The following CERK variants were observed in gnomAD, a reference collection of about 807,000 sequenced individuals.
CERK encodes the protein acylsphingosine kinase.
CERK carries 39 observed loss-of-function variants against 63.4 expected under a neutral mutation model. The observed-to-expected ratio is 0.61, with a 90% CI of 0.48 to 0.80. The LOEUF is 0.80. Among genes scored for constraint, CERK ranks in the 30% least tolerant of loss-of-function variants. CERK has a pLI of 0.00. For synonymous variants in CERK, 302 were observed against 280.0 expected (o/e 1.08, Z -0.78); for missense variants, 670 against 714.1 (o/e 0.94, Z 0.70).
rs564377566 is a variant in CERK at position 46,714,746 on chromosome 22, G to A, written c.380-2453C>T. 1.3e-5 allele frequency among the ~76,000 whole-genome samples: 2 copies of A among 152,034 alleles called. No homozygotes were observed. The highest frequency in any genetic ancestry group is 2.9e-5 in the Non-Finnish European group (2 of 68,012). On this transcript the variant is annotated intron_variant, in intron 3 of 12. Transcript: ENST00000216264. This position sits in a 1 kb window ranked among gnomAD's most constrained non-coding sequence, Gnocchi z 4.4. ...CCAGAGAACAGAAAAAAACAAACAC[G>A]TATGAACTCTTTGTATGACACACCA...
Position 46,695,248 on chromosome 22 carries a change from C to G in CERK, c.1011G>C (p.Thr337=), listed in dbSNP as rs556758428. The G allele has an allele frequency of 1.9e-6, 3 of 1,611,064 alleles. No individual in the cohort carries two copies. Among genetic ancestry groups the G allele is most frequent in the Non-Finnish European group, 2.5e-6 (3 of 1,177,516 alleles). Residue 337 remains threonine, a synonymous_variant, in exon 9 of 13, where the codon ACG becomes ACC. Transcript: ENST00000216264. The part of the protein sequence containing the change: ...GTVSFLPAQH[T]VGSPRDRKPC... ...GCTTCCTATCCCTTGGAGATCCCAC[C>G]GTGTGTTGTGCAGGGAGGAAGGACA...
chr22:46,690,935 A>C (rs914523691), intron 11 of CERK, among the ~76,000 whole-genome samples: 5 of 152,076 alleles, frequency 3.3e-5, no homozygotes, highest in African/African-American at 1.2e-4. Context: ...GCTCAAATAC[A>C]TGTGTGTGTA....
At chr22:46,726,636 T>G (rs941971584) in intron 1 of CERK, among the ~76,000 whole-genome samples, 1 of 152,188 alleles carries the variant, frequency 6.6e-6, no homozygotes, top group African/African-American at 2.4e-5. Flanking sequence ...TGTGAACATC[T>G]GATCTTCATT....
chr22:46,687,665 A>AC (rs2082710018), intron 12 of CERK, among the ~76,000 whole-genome samples: 1 of 149,152 alleles, frequency 6.7e-6, no homozygotes, highest in Non-Finnish European at 1.5e-5. Flanking sequence ...CAATGCGTGT[A>AC]AGAGATGTGT....
chr22:46,692,484 C>A (rs1439728491), intron 10 of CERK, among the ~76,000 whole-genome samples: 1 of 150,842 alleles, frequency 6.6e-6, no homozygotes, highest in Non-Finnish European at 1.5e-5. Context: ...CGCCTGTAAT[C>A]CCAGCTACTC....
intron 1 of CERK, among the ~76,000 whole-genome samples, chr22:46,733,670 C>A (rs1427288328): frequency 6.6e-6 from 1 of 151,870 alleles, no homozygotes; most frequent in Non-Finnish European, 1.5e-5. Flanking sequence ...CTAGCTTTTT[C>A]TTTATTCTTT....
chr22:46,716,921 C>T (rs942665359), intron 3 of CERK, among the ~76,000 whole-genome samples: 3 of 149,470 alleles, frequency 2.0e-5, no homozygotes, highest in African/African-American at 7.5e-5. Flanking sequence ...GGCAACAGAG[C>T]GAGACTCTGT....
chr22:46,709,283 G>T (rs889014963), intron 5 of CERK, among the ~76,000 whole-genome samples: 2 of 152,214 alleles, frequency 1.3e-5, no homozygotes. Flanking sequence ...CCCTCAAGAG[G>T]CGAGGCTGAT....
chr22:46,733,746 T>C (rs2082957775), intron 1 of CERK, among the ~76,000 whole-genome samples: 1 of 152,080 alleles, frequency 6.6e-6, no homozygotes, highest in Non-Finnish European at 1.5e-5. Flanking sequence ...CTCTATTTTC[T>C]TGTAAGAATT....
At chr22:46,737,646 C>A (rs1165264935) in intron 1 of CERK, among the ~76,000 whole-genome samples, 3 of 43,020 alleles carry the variant, frequency 7.0e-5, no homozygotes, top group Non-Finnish European at 2.8e-4. Context: ...GCGCCTGGCA[C>A]CCCCCCTCGG....
At chr22:46,728,730 C>T (rs1269200490) in intron 1 of CERK, among the ~76,000 whole-genome samples, 2 of 152,188 alleles carry the variant, frequency 1.3e-5, no homozygotes, top group East Asian at 1.9e-4. Context: ...GCAGCAGGCC[C>T]GCTGGCTGGA....
chr22:46,725,198 C>A (rs801588), intron 1 of CERK, among the ~76,000 whole-genome samples: 131,335 of 152,128 alleles, frequency 0.86, 58,026 homozygotes, highest in Non-Finnish European at 0.96. Context: ...GGTGTGTCAT[C>A]GGCATTACGC....
chr22:46,694,940 C>T (rs1469521767), intron 9 of CERK, among the ~76,000 whole-genome samples: 1 of 152,222 alleles, frequency 6.6e-6, no homozygotes, highest in African/African-American at 2.4e-5. Flanking sequence ...GTGCTCAGCC[C>T]CCACTCCAAC....
At chr22:46,704,224 G>C (rs1007380378) in intron 6 of CERK, among the ~76,000 whole-genome samples, 3 of 152,216 alleles carry the variant, frequency 2.0e-5, no homozygotes, top group Admixed American at 1.3e-4. Context: ...CCTGACCATG[G>C]TGAAGTGCAG....
At chr22:46,729,252 C>G (rs1361258491) in intron 1 of CERK, among the ~76,000 whole-genome samples, 3 of 152,120 alleles carry the variant, frequency 2.0e-5, no homozygotes, top group Admixed American at 1.3e-4. Context: ...GTAGTTCCAG[C>G]TACTTGAGAG....
intron 1 of CERK, among the ~76,000 whole-genome samples, chr22:46,728,660 T>C (rs1334465392): frequency 6.6e-6 from 1 of 152,208 alleles, no homozygotes; most frequent in Non-Finnish European, 1.5e-5. Flanking sequence ...CCGCTATGAC[T>C]GATAGCTCTG....
chr22:46,700,314 A>T lies in CERK; in HGVS notation c.791-849T>A, dbSNP rs1201224786. Among the ~76,000 whole-genome samples, 5 of 151,930 alleles carry T rather than the reference A, an allele frequency of 3.3e-5. No homozygotes were observed. The East Asian group carries it at 9.7e-4, about 29-fold the overall frequency. On this transcript the variant is annotated intron_variant, in intron 7 of 12. Coordinates refer to ENST00000216264, the MANE Select transcript of CERK (RefSeq NM_022766.6). ...AGGCTGAGGCAGGAGAATCGCTTGA[A>T]CCCGGGAGGCGGAGGTTGCAGTGAG...
At chr22:46,695,950 C>G (rs1360939522) in intron 8 of CERK, among the ~76,000 whole-genome samples, 1 of 152,202 alleles carries the variant, frequency 6.6e-6, no homozygotes, top group African/African-American at 2.4e-5. Flanking sequence ...GTGGGCCACA[C>G]CAGGAGCCAG....
chr22:46,704,971 G>GA (rs1045217549), intron 6 of CERK, among the ~76,000 whole-genome samples: 2 of 152,122 alleles, frequency 1.3e-5, no homozygotes, highest in Non-Finnish European at 2.9e-5. Flanking sequence ...CATAATGAAA[G>GA]AAATACAAAT....
Sources: gnomAD v4.1 joint callset for allele counts (sites outside exome capture counted in the v4.1 genomes callset) on GRCh38, gnomAD v4.1.1 for gene constraint, Gnocchi (gnomAD v3.1) non-coding constraint, MANE v1.5 for transcripts, NCBI Gene and HGNC (gene_info 2026-07-23, HGNC 2026-07-21) for gene names.